The following ABR variants were observed in gnomAD, a reference collection of about 807,000 sequenced individuals.
ABR encodes the protein ABR activator of RhoGEF and GTPase, also known as active breakpoint cluster region-related protein.
Under a neutral mutation model 107.2 loss-of-function variants are expected in ABR, and 35 were observed. That is an observed-to-expected ratio of 0.33 (90% CI 0.25 to 0.43). The LOEUF (loss-of-function observed/expected upper bound fraction) is 0.43. Among genes scored for constraint, ABR ranks in the 20% least tolerant of loss-of-function variants. ABR has a pLI of 1.00. For synonymous variants in ABR, 498 were observed against 462.0 expected (o/e 1.08, Z -1.00); for missense variants, 815 against 1,115.2 (o/e 0.73, Z 3.83).
intron 2 of ABR, chr17:1,115,186 CTCTT>C (rs2038927054): frequency 6.6e-6 from 1 of 152,170 alleles, no homozygotes; most frequent in African/African-American, 2.4e-5. Flanking sequence ...CATCAGATGA[CTCTT>C]TCTAAAACAC....
intron 10 of ABR, among the ~76,000 whole-genome samples, chr17:1,065,846 A>G (rs556877040): frequency 1.4e-4 from 21 of 150,240 alleles, no homozygotes; most frequent in African/African-American, 3.9e-4. Context: ...CCCAGGTTCA[A>G]GCAATTCTCC....
intron 4 of ABR, among the ~76,000 whole-genome samples, chr17:1,089,406 C>T (rs141142949): frequency 6.6e-6 from 1 of 152,328 alleles, no homozygotes; most frequent in African/African-American, 2.4e-5. Context: ...CTGTTTTTTA[C>T]AGATGAGGAA....
chr17:1,136,596 G>A (rs1490519202), intron 1 of ABR, among the ~76,000 whole-genome samples: 1 of 152,142 alleles, frequency 6.6e-6, no homozygotes, highest in Non-Finnish European at 1.5e-5. Context: ...ACAACTGGCC[G>A]CAGCTTCTCC....
chr17:1,147,517 C>T (rs1204403426), intron 1 of ABR, among the ~76,000 whole-genome samples: 2 of 152,080 alleles, frequency 1.3e-5, no homozygotes, highest in Non-Finnish European at 2.9e-5. Flanking sequence ...CCCACTACCA[C>T]ACTCAGCTAA....
chr17:1,166,874 C>T (rs1018009020), intron 1 of ABR, among the ~76,000 whole-genome samples: 2 of 152,086 alleles, frequency 1.3e-5, no homozygotes, highest in African/African-American at 4.8e-5. Context: ...TGGTGGCACG[C>T]GCCTGTAGTC....
At chr17:1,124,128 G>A (rs1391914049) in intron 2 of ABR, among the ~76,000 whole-genome samples, 3 of 152,180 alleles carry the variant, frequency 2.0e-5, no homozygotes, top group Admixed American at 6.5e-5. Flanking sequence ...CAGCCACCCC[G>A]GTGTGTGAAG....
intron 1 of ABR, among the ~76,000 whole-genome samples, chr17:1,163,544 G>GGAC (rs1567846984): frequency 2.9e-5 from 4 of 137,578 alleles, no homozygotes; most frequent in East Asian, 4.3e-4. Context: ...GCATCCAGGT[G>GGAC]GGACCCTGGC....
At position 1,114,930 on chromosome 17, in the gene ABR, G is replaced by A. The variant is rs75870330; in HGVS notation, c.246+10253C>T. On this transcript the variant is annotated intron_variant, in intron 2 of 22. Coordinates refer to ENST00000302538, the MANE Select transcript of ABR (RefSeq NM_021962.5). ...CTACTGTGTGCCAGGCACAGTTCTC[G>A]GCACCAGAGACTGCAATGAGCAAGT... 3.6e-3 allele frequency among the ~76,000 whole-genome samples: 550 copies of A among 152,256 alleles called. 8 individuals are homozygous for A. Among genetic ancestry groups the A allele is most frequent in the African/African-American group, 5.8e-3 (242 of 41,544 alleles).
At chr17:1,020,314 C>A (rs979624057) in intron 16 of ABR, among the ~76,000 whole-genome samples, 56 of 152,322 alleles carry the variant, frequency 3.7e-4, no homozygotes, top group African/African-American at 1.3e-3. Flanking sequence ...AACTCCTGAC[C>A]TCAGGTGATC....
chr17:1,212,025 T>C (rs998078626), intron 1 of ABR, among the ~76,000 whole-genome samples: 9 of 151,074 alleles, frequency 6.0e-5, no homozygotes, highest in African/African-American at 2.2e-4. Context: ...GAGGTTGCAG[T>C]GAGCCGAGAT....
intron 1 of ABR, among the ~76,000 whole-genome samples, chr17:1,151,897 G>A (rs1309758944): frequency 6.6e-6 from 1 of 151,882 alleles, no homozygotes; most frequent in East Asian, 2.0e-4. Context: ...ATGAGCGCCT[G>A]TAGTCCCAGC....
intron 1 of ABR, among the ~76,000 whole-genome samples, chr17:1,128,028 T>C (rs2151461157): frequency 6.6e-6 from 1 of 151,566 alleles, no homozygotes; most frequent in Non-Finnish European, 1.5e-5. Flanking sequence ...TCCCCTTCCA[T>C]ATCCCTCCTG....
chr17:1,194,285 T>C (rs2042502421), intron 1 of ABR, among the ~76,000 whole-genome samples: 1 of 151,658 alleles, frequency 6.6e-6, no homozygotes, highest in Non-Finnish European at 1.5e-5. Context: ...CCTCCCGGGT[T>C]CAAGTAATTC....
chr17:1,195,550 A>T (rs1171591292), intron 1 of ABR, among the ~76,000 whole-genome samples: 1 of 151,860 alleles, frequency 6.6e-6, no homozygotes, highest in Admixed American at 6.6e-5. Context: ...CACGCCTGTC[A>T]TCCCAGCACT....
At chr17:1,083,447 G>GGGGA (rs2036395796) in intron 5 of ABR, 73 bp downstream of exon 5, 1 of 1,078,844 alleles carries the variant, frequency 9.3e-7, no homozygotes, top group African/African-American at 1.6e-5. Context: ...AAGCGAGGGA[G>GGGGA]GGGAGACCAA....
At chr17:1,214,111 T>C (rs1351523053) in intron 1 of ABR, among the ~76,000 whole-genome samples, 1 of 152,004 alleles carries the variant, frequency 6.6e-6, no homozygotes. Context: ...GGTCTCGAAC[T>C]CCTGATCTTG....
At position 1,006,085 on chromosome 17, in the gene ABR, C is replaced by T. The variant is rs865958326; in HGVS notation, c.2575G>A (p.Val859Met). The change falls in exon 23 of 23, where the codon GTG becomes ATG. Residue 859 changes from valine (V) to methionine (M), a missense_variant. Val to Met is a conservative substitution (Grantham distance 21). This residue lies in a region of ABR where 34 missense variants were observed against 26.8 expected (regional missense o/e 1.27). Transcript: ENST00000302538. ...CGCAGCCACCCTGCCTCGGGCTACA[C>T]GTCGGTGGAGAAGTACAGTGTGTTC... The part of the protein sequence containing the change: ...KRNTLYFSTD[V>M] The T allele has an allele frequency of 1.1e-5, 17 of 1,567,104 alleles. No individual in the cohort carries two copies. The highest frequency in any genetic ancestry group is 4.1e-5 in the African/African-American group (3 of 73,934).
chr17:1,066,702 T>C lies in ABR; in HGVS notation c.1182+375A>G, dbSNP rs146336068. On this transcript the variant is annotated intron_variant, in intron 10 of 22. Transcript: ENST00000302538. ...CACCACCACACTCTGCTAATTTTTG[T>C]ACTTTTAGTAGAGACAGGGTTTTGC... Among the ~76,000 whole-genome samples, 181 of 152,234 alleles carry C rather than the reference T, an allele frequency of 1.2e-3. 1 individual carries two copies. The highest frequency in any genetic ancestry group is 5.0e-3 in the South Asian group (24 of 4,820).
intron 16 of ABR, among the ~76,000 whole-genome samples, chr17:1,039,828 G>A (rs1465291102): frequency 2.0e-5 from 3 of 152,218 alleles, no homozygotes; most frequent in Admixed American, 6.5e-5. Flanking sequence ...GAGCCGAGGC[G>A]GGGCCTGACA....
Sources: allele counts gnomAD v4.1 joint callset (sites outside exome capture counted in the v4.1 genomes callset), GRCh38; gene constraint gnomAD v4.1.1; regional missense constraint gnomAD v4.1.1; transcripts MANE v1.5; gene names NCBI Gene and HGNC (gene_info 2026-07-23, HGNC 2026-07-21).